The following CLEC17A variants were observed in gnomAD, a reference collection of about 807,000 sequenced individuals.
The protein encoded by CLEC17A is C-type lectin domain containing 17A, also known as C-type lectin domain family 17, member A.
A neutral mutation model predicts 61.3 loss-of-function variants in CLEC17A; 37 were observed. That is an observed-to-expected ratio of 0.60 (90% CI 0.46 to 0.79). CLEC17A has a LOEUF of 0.79. CLEC17A is among the 30% of genes least tolerant of loss of function. The pLI is 0.00. For synonymous variants in CLEC17A, 168 were observed against 164.9 expected, an observed-to-expected ratio of 1.02 and a Z score of -0.14; for missense variants, 418 against 464.7, an observed-to-expected ratio of 0.90 and a Z score of 0.92.
chr19:14,592,823 C>T (rs1271989939), intron 4 of CLEC17A, among the ~76,000 whole-genome samples: 2 of 152,074 alleles, frequency 1.3e-5, no homozygotes, highest in African/African-American at 4.8e-5. Context: ...TGCTACCATG[C>T]CTGGTTAACT....
At position 14,607,049 on chromosome 19, in the gene CLEC17A, C is replaced by T. The variant is rs1288465462; in HGVS notation, c.951C>T (p.Asp317=). ...SPRVYWLGLN[D]RAQEGDWRWL... is the part of the protein sequence containing the mutation. ...GGGTGTACTGGCTGGGGCTGAATGA[C>T]AGGGCCCAGGAAGGGGACTGGAGGT... The change falls in exon 13 of 14, where the codon GAC becomes GAT. Residue 317 remains aspartate (D), a synonymous_variant. Coordinates refer to ENST00000417570, the MANE Select transcript of CLEC17A (RefSeq NM_001204118.2). 7.4e-7 allele frequency: 1 copy of T among 1,353,362 alleles called. No individual in the cohort carries two copies. The highest frequency in any genetic ancestry group is 3.0e-5 in the Admixed American group (1 of 33,258). 83.8% of individuals were successfully genotyped at this position (1,353,362 alleles called of 1,614,324 possible).
intron 3 of CLEC17A, among the ~76,000 whole-genome samples, chr19:14,590,666 C>T (rs531280716): frequency 6.6e-5 from 10 of 152,094 alleles, no homozygotes; most frequent in African/African-American, 2.2e-4. Flanking sequence ...AGATTACAGG[C>T]GTGAGCCACC....
chr19:14,582,601 T>A (rs182103396), upstream of CLEC17A, among the ~76,000 whole-genome samples: 6 of 151,918 alleles, frequency 3.9e-5, no homozygotes, highest in Admixed American at 3.3e-4. Flanking sequence ...TAATGTTTTT[T>A]AAAAAATTAA....
chr19:14,592,248 T>A, intron 3 of CLEC17A, 33 bp from the exon 4 acceptor site: 10 of 1,551,214 alleles, frequency 6.4e-6, no homozygotes, highest in Non-Finnish European at 8.7e-6. Context: ...GAGGAGGGAA[T>A]GGCTGGGCTC....
intron 10 of CLEC17A, 42 bp downstream of exon 10, chr19:14,597,203 C>T (rs371249026): frequency 1.9e-6 from 3 of 1,549,788 alleles, no homozygotes; most frequent in East Asian, 2.3e-5. Flanking sequence ...TCCTATTGAG[C>T]CCTAACCCAA....
At chr19:14,608,494 G>A (rs1057321812) in intron 13 of CLEC17A, among the ~76,000 whole-genome samples, 2 of 152,122 alleles carry the variant, frequency 1.3e-5, no homozygotes, top group African/African-American at 2.4e-5. Flanking sequence ...TTTGGTGACA[G>A]GCTGTCTGGA....
rs758524530 is a variant in CLEC17A at position 14,592,529 on chromosome 19, C to T, written c.277+171C>T. Among the ~76,000 whole-genome samples the T allele has an allele frequency of 3.9e-5, 6 of 152,062 alleles. No homozygotes were observed. In the East Asian group the frequency reaches 9.6e-4, roughly 24 times the overall value. On this transcript the variant is annotated intron_variant, in intron 4 of 13. Transcript: ENST00000417570. The stretch of plus-strand genomic sequence containing the variant: ...GGACCTGTCAGTCTGATGGCAGAGG[C>T]GGGTTTGGACACAGCCTTGGTGAGC...
rs755476757 is a variant in CLEC17A, at chr19:14,597,051, G to A, written c.583+38G>A. ...AGGAAGGGACATGGGGAGAGATTGG[G>A]GAGGGTGCACAGGAGGACCTGGGCT... On this transcript the variant is annotated intron_variant, in intron 9 of 13. Coordinates refer to ENST00000417570, the MANE Select transcript of CLEC17A (RefSeq NM_001204118.2). 7 of 1,611,534 alleles carry A rather than the reference G, an allele frequency of 4.3e-6. No homozygotes were observed. The African/African-American group carries it at 9.3e-5, about 22-fold the overall frequency.
intron 3 of CLEC17A, 68 bp downstream of exon 3, chr19:14,587,759 G>T: frequency 1.9e-6 from 3 of 1,596,986 alleles, no homozygotes; most frequent in Non-Finnish European, 2.6e-6. Context: ...GGCATTGGTT[G>T]GGCATTGTAG....
At chr19:14,599,969 G>A in intron 11 of CLEC17A, 62 bp from the exon 12 acceptor site, 3 of 1,591,984 alleles carry the variant, frequency 1.9e-6, no homozygotes, top group South Asian at 2.3e-5. Context: ...ACTGTACATG[G>A]CATACTATGT....
rs755282952 is a variant in CLEC17A, at chr19:14,587,600, C to T, written c.122-14C>T. ...AGGGAATGGCTGGGCTCTGACTTGC[C>T]TTTCCCCTGGAAGGGACCATGGAGG... On this transcript the variant is annotated splice_polypyrimidine_tract_variant and intron_variant, in intron 2 of 13. Transcript: ENST00000417570. 1 of 1,580,294 alleles carries T rather than the reference C, an allele frequency of 6.3e-7. No homozygotes were observed. The highest frequency in any genetic ancestry group is 8.6e-7 in the Non-Finnish European group (1 of 1,162,876).
intron 2 of CLEC17A, among the ~76,000 whole-genome samples, chr19:14,586,174 G>A (rs2074273833): frequency 6.7e-6 from 1 of 149,016 alleles, no homozygotes; most frequent in African/African-American, 2.5e-5. Context: ...TGCCCAGGCC[G>A]GAGTGCAATG....
intron 7 of CLEC17A, among the ~76,000 whole-genome samples, chr19:14,595,039 G>A (rs1435847051): frequency 1.3e-5 from 2 of 152,084 alleles, no homozygotes; most frequent in South Asian, 2.1e-4. Context: ...ACCTGGCTAA[G>A]TTTTGTATTT....
At chr19:14,608,628 A>ATTTTTTTTTTTTTTTTTTTTTTTTTTT (rs71166765) in intron 13 of CLEC17A, among the ~76,000 whole-genome samples, 1 of 119,748 alleles carries the variant, frequency 8.4e-6, no homozygotes, top group Non-Finnish European at 1.7e-5. Context: ...ATGAGGAAGA[A>ATTTTTTTTTTTTTTTTTTTTTTTTTTT]TTTTTTTTTT....
Position 14,583,130 on chromosome 19 carries a change from G to T in CLEC17A, c.-31G>T, listed in dbSNP as rs759950198. On this transcript the variant is annotated 5_prime_UTR_variant, in exon 1 of 14. Transcript: ENST00000417570. ...AGGGGGCAGAGGTTGCCAAGCCCTG[G>T]CTGCCACTTGTCAGGTTCCCTGTGC... is the stretch of plus-strand genomic sequence containing the variant. 3.1e-6 allele frequency: 5 copies of T among 1,613,846 alleles called. No homozygotes were observed. Among genetic ancestry groups the T allele is most frequent in the Non-Finnish European group, 4.2e-6 (5 of 1,179,786 alleles).
At chr19:14,598,318 C>G (rs1599554074) in intron 10 of CLEC17A, among the ~76,000 whole-genome samples, 2 of 149,118 alleles carry the variant, frequency 1.3e-5, no homozygotes, top group South Asian at 4.2e-4. Context: ...CTCTCTCTCT[C>G]TCTCTCTCAC....
intron 13 of CLEC17A, among the ~76,000 whole-genome samples, chr19:14,608,582 G>A (rs534034539): frequency 5.3e-5 from 8 of 151,780 alleles, no homozygotes; most frequent in Non-Finnish European, 1.0e-4. Flanking sequence ...AAGCTCTCCA[G>A]GCTAATGGTT....
intron 3 of CLEC17A, among the ~76,000 whole-genome samples, chr19:14,591,912 G>GTGTT (rs1264008760): frequency 6.6e-6 from 1 of 151,376 alleles, no homozygotes; most frequent in Non-Finnish European, 1.5e-5. Flanking sequence ...GTGTGTGTGT[G>GTGTT]TGTGTGTGTG....
chr19:14,608,470 C>T (rs1291678149), intron 13 of CLEC17A, among the ~76,000 whole-genome samples: 3 of 152,068 alleles, frequency 2.0e-5, no homozygotes, highest in Non-Finnish European at 4.4e-5. Context: ...ACAGGGACAG[C>T]ACCAGGGTGA....
Sources: gnomAD v4.1 joint callset for allele counts (sites outside exome capture counted in the v4.1 genomes callset) on GRCh38, gnomAD v4.1.1 for gene constraint, MANE v1.5 for transcripts, NCBI Gene and HGNC (gene_info 2026-07-23, HGNC 2026-07-21) for gene names.